KLF12: variants seen among roughly 807,000 people sequenced by gnomAD.
KLF12 encodes the protein KLF transcription factor 12, also known as Krueppel-like factor 12.
Under a neutral mutation model 37.8 loss-of-function variants are expected in KLF12, and 9 were observed. That is an observed-to-expected ratio of 0.24 (90% CI 0.14 to 0.42). KLF12 has a LOEUF of 0.42. KLF12 is among the 10% of genes least tolerant of loss of function. The pLI is 1.00. For missense variants in KLF12, 411 were observed against 516.0 expected, an observed-to-expected ratio of 0.80 and a Z score of 1.97; for synonymous variants, 208 against 202.1, an observed-to-expected ratio of 1.03 and a Z score of -0.25.
chr13:73,901,536 C>A (rs79880607), intron 3 of KLF12, among the ~76,000 whole-genome samples: 2,807 of 152,116 alleles, frequency 0.018, 90 homozygotes, highest in Admixed American at 0.088. Context: ...TAGGATTGCT[C>A]ACTCTGTCCT....
chr13:74,098,031 C>T (rs1036472942), intron 1 of KLF12, among the ~76,000 whole-genome samples: 1 of 152,048 alleles, frequency 6.6e-6, no homozygotes, highest in African/African-American at 2.4e-5. Flanking sequence ...CTACTAGCCT[C>T]GACTATCAAA....
At chr13:74,089,803 GAAAA>G (rs35244601) in intron 1 of KLF12, among the ~76,000 whole-genome samples, 17,796 of 117,674 alleles carry the variant, frequency 0.15, 1,173 homozygotes, top group Non-Finnish European at 0.2. Flanking sequence ...CATGCAGGGG[GAAAA>G]AAAAAAAAAA....
intron 5 of KLF12, among the ~76,000 whole-genome samples, chr13:73,776,757 C>T (rs1447640576): frequency 2.6e-5 from 4 of 152,152 alleles, no homozygotes; most frequent in East Asian, 1.9e-4. Flanking sequence ...AATTAAAGCA[C>T]ATCTGGTTGT....
chr13:74,168,601 C>G, the KLF12 span, among the ~76,000 whole-genome samples: 1 of 152,312 alleles, frequency 6.6e-6, no homozygotes, highest in East Asian at 1.9e-4. Context: ...GGGTTATATT[C>G]AGCAAACACA....
intron 1 of KLF12, among the ~76,000 whole-genome samples, chr13:74,051,108 T>C (rs1276424392): frequency 6.6e-6 from 1 of 152,166 alleles, no homozygotes; most frequent in East Asian, 1.9e-4. Context: ...CAACAGCCAT[T>C]ACAGAAAAGT....
chr13:74,221,135 G>T, the KLF12 span, among the ~76,000 whole-genome samples: 1 of 151,772 alleles, frequency 6.6e-6, no homozygotes, highest in Non-Finnish European at 1.5e-5. Context: ...CTGCGGAGTA[G>T]CTGGGACTAC....
intron 4 of KLF12, among the ~76,000 whole-genome samples, chr13:73,818,763 G>C (rs1883369115): frequency 6.6e-6 from 1 of 152,254 alleles, no homozygotes; most frequent in Non-Finnish European, 1.5e-5. Context: ...GGCTGGAGAG[G>C]AGAGGGCCAT....
chr13:74,305,953 CA>C, the KLF12 span, among the ~76,000 whole-genome samples: 1 of 152,006 alleles, frequency 6.6e-6, no homozygotes, highest in African/African-American at 2.4e-5. Context: ...TTAGTTTAAG[CA>C]GGGGAAAAGG....
intron 6 of KLF12, among the ~76,000 whole-genome samples, chr13:73,752,459 A>G (rs1256510967): frequency 2.8e-5 from 2 of 71,014 alleles, no homozygotes; most frequent in South Asian, 3.5e-4. Context: ...TTATATGCCA[A>G]TGGCACCTAC....
chr13:74,141,229 G>T, the KLF12 span, among the ~76,000 whole-genome samples: 1 of 152,188 alleles, frequency 6.6e-6, no homozygotes, highest in Non-Finnish European at 1.5e-5. Context: ...ACAAAGAAAA[G>T]AGAATGGGAA....
intron 4 of KLF12, among the ~76,000 whole-genome samples, chr13:73,832,048 T>G (rs1024616650): frequency 6.6e-6 from 1 of 152,236 alleles, no homozygotes; most frequent in Non-Finnish European, 1.5e-5. Flanking sequence ...AGCCAAGAGT[T>G]AAAATGCTTT....
chr13:73,736,904 G>C (rs1877505086), intron 6 of KLF12, among the ~76,000 whole-genome samples: 1 of 152,088 alleles, frequency 6.6e-6, no homozygotes. Context: ...CATATATTAT[G>C]GTTTCTAGTT....
chr13:73,728,141 G>C (rs1056666667), intron 6 of KLF12, among the ~76,000 whole-genome samples: 23 of 152,204 alleles, frequency 1.5e-4, no homozygotes, highest in African/African-American at 4.6e-4. Context: ...TTTTAACCAT[G>C]TTTTGTAGTT....
chr13:74,261,535 G>C, the KLF12 span, among the ~76,000 whole-genome samples: 1 of 151,968 alleles, frequency 6.6e-6, no homozygotes, highest in African/African-American at 2.4e-5. Flanking sequence ...AAAAAGAAAA[G>C]ATAAAAAAAG....
At chr13:74,231,495 T>C in the KLF12 span, 2 of 152,244 alleles carry the variant, frequency 1.3e-5, no homozygotes, top group Non-Finnish European at 2.9e-5. Flanking sequence ...GTCAATGAGA[T>C]TGAGGGCTTG....
chr13:74,052,888 G>A (rs1023539156), intron 1 of KLF12, among the ~76,000 whole-genome samples: 9 of 152,004 alleles, frequency 5.9e-5, no homozygotes, highest in Non-Finnish European at 1.2e-4. Context: ...TGGCTAGTAG[G>A]GTTTTTCCTC....
chr13:73,812,007 A>G (rs1396800951), intron 5 of KLF12, among the ~76,000 whole-genome samples: 1 of 152,192 alleles, frequency 6.6e-6, no homozygotes, highest in Non-Finnish European at 1.5e-5. Context: ...ATAAATGGAT[A>G]TAACAGAGGT....
intron 6 of KLF12, among the ~76,000 whole-genome samples, chr13:73,717,463 T>C (rs556493395): frequency 3.3e-5 from 5 of 152,340 alleles, no homozygotes; most frequent in African/African-American, 1.2e-4. Context: ...AATTTGCACT[T>C]TCATATTGCT....
At chr13:74,069,004 A>T (rs146225435) in intron 1 of KLF12, among the ~76,000 whole-genome samples, 153 of 152,254 alleles carry the variant, frequency 1.0e-3, no homozygotes, top group African/African-American at 3.6e-3. Context: ...TGTGCCAGGG[A>T]CTGTGACAGC....
Sources: gnomAD v4.1 joint callset for allele counts (sites outside exome capture counted in the v4.1 genomes callset) on GRCh38, gnomAD v4.1.1 for gene constraint, MANE v1.5 for transcripts, NCBI Gene and HGNC (gene_info 2026-07-23, HGNC 2026-07-21) for gene names.